The following TEX264 variants were observed in gnomAD, a reference collection of about 807,000 sequenced individuals.
TEX264 encodes testis-expressed protein 264.
A neutral mutation model predicts 23.4 loss-of-function variants in TEX264; 13 were observed. The observed-to-expected ratio is 0.56, with a 90% CI of 0.36 to 0.88. The LOEUF (loss-of-function observed/expected upper bound fraction) is 0.88, where lower values mean the gene tolerates loss of function less well. Ranked by LOEUF, TEX264 falls within the 40% of genes least tolerant of loss-of-function variation. TEX264 has a pLI of 0.01. For synonymous variants in TEX264, 159 were observed against 170.0 expected, an observed-to-expected ratio of 0.94 and a Z score of 0.50; for missense variants, 340 against 406.8, an observed-to-expected ratio of 0.84 and a Z score of 1.41.
At chr3:51,698,100 GC>G (rs1703139315) in intron 3 of TEX264, among the ~76,000 whole-genome samples, 1 of 152,128 alleles carries the variant, frequency 6.6e-6, no homozygotes, top group African/African-American at 2.4e-5. Flanking sequence ...CCTCCTAGAT[GC>G]ACCCTCCCTT....
chr3:51,703,646 T>C lies in TEX264; in HGVS notation c.650-78T>C. 6.9e-7 allele frequency: 1 copy of C among 1,458,010 alleles called. No homozygotes were observed. Among genetic ancestry groups the C allele is most frequent in the Non-Finnish European group, 9.3e-7 (1 of 1,076,532 alleles). The allele number at this position is 1,458,010 out of a possible 1,614,324, so 90.3% of individuals were successfully genotyped here. A position where few individuals can be genotyped will look rare whatever the true frequency, so the allele number is the denominator to read the frequency against. On this transcript the variant is annotated intron_variant, in intron 4 of 4. Transcript: ENST00000341333. This position sits in a 1 kb window ranked among gnomAD's most constrained non-coding sequence, Gnocchi z 4.8. ...GAGGCTGCATTATTCATGAGTGCAC[T>C]GCGTGCTGAGTTGCCTCTCCCTGGA...
intron 2 of TEX264, among the ~76,000 whole-genome samples, chr3:51,675,599 A>G (rs915840093): frequency 1.3e-5 from 2 of 152,208 alleles, no homozygotes; most frequent in Non-Finnish European, 2.9e-5. Context: ...TCAGCCCCAC[A>G]TAAGTGATTC....
At chr3:51,685,603 T>A (rs1381864797) in intron 3 of TEX264, among the ~76,000 whole-genome samples, 1 of 152,246 alleles carries the variant, frequency 6.6e-6, no homozygotes, top group Non-Finnish European at 1.5e-5. Flanking sequence ...TAAGAACTTC[T>A]AGTCAGAGCT....
chr3:51,694,215 C>T (rs572626429), intron 3 of TEX264, among the ~76,000 whole-genome samples: 1 of 151,908 alleles, frequency 6.6e-6, no homozygotes, highest in South Asian at 2.1e-4. Flanking sequence ...CACTGCACCT[C>T]CATCTCCCGC....
At chr3:51,675,788 G>A (rs1308082840) in intron 2 of TEX264, among the ~76,000 whole-genome samples, 1 of 152,200 alleles carries the variant, frequency 6.6e-6, no homozygotes, top group African/African-American at 2.4e-5. Flanking sequence ...GACAGCAAGA[G>A]CCTGAAGACA....
At position 51,700,000 on chromosome 3, in the gene TEX264, T is replaced by C. The variant is rs545124326; in HGVS notation, c.649+426T>C. On this transcript the variant is annotated intron_variant, in intron 4 of 4. Transcript: ENST00000341333. ...TAAGGAGGGGAGCAAAGTGTTCTCT[T>C]GTCCCTCAGTACGGGCCCCACCCAG... Among the ~76,000 whole-genome samples, 436 of 152,162 alleles carry C rather than the reference T, an allele frequency of 2.9e-3. 3 individuals are homozygous for C. The highest frequency in any genetic ancestry group is 1.0e-2 in the African/African-American group (414 of 41,512).
Position 51,699,431 on chromosome 3 carries a change from G to T in TEX264, c.506G>T (p.Arg169Leu), listed in dbSNP as rs762481142. ...GAGCGGAAGCTGTGTGCCTATCCTC[G>T]GCTGGAGATCTACCAGGAAGACCAG... ...IKERKLCAYP[R>L]LEIYQEDQIH... Residue 169 changes from arginine (R) to leucine (L), a missense_variant, in exon 4 of 5, where the codon CGG becomes CTG. Arg to Leu is a moderately radical substitution (Grantham distance 102, BLOSUM62 -2). Coordinates refer to ENST00000341333, the MANE Select transcript of TEX264 (RefSeq NM_015926.6). 3 of 1,613,888 alleles carry T rather than the reference G, an allele frequency of 1.9e-6. No individual in the cohort carries two copies. The South Asian group carries it at 3.3e-5, about 18-fold the overall frequency.
At chr3:51,678,251 G>C (rs1013404942) in intron 2 of TEX264, among the ~76,000 whole-genome samples, 3 of 152,184 alleles carry the variant, frequency 2.0e-5, no homozygotes, top group African/African-American at 7.2e-5. Context: ...TTCAGTGTTG[G>C]AGGGGAAGGA....
In TEX264 at chr3:51,703,830, G is replaced by C. The variant is rs200027537; in HGVS notation, c.756G>C (p.Trp252Cys). 1 of 1,613,000 alleles carries C rather than the reference G, an allele frequency of 6.2e-7. No homozygotes were observed. The highest frequency in any genetic ancestry group is 8.5e-7 in the Non-Finnish European group (1 of 1,179,286). ...TLSPGASSRG[W>C]DDGDTRSEHS... is the part of the protein sequence containing the mutation. ...CACCTGGGGCGAGCAGCCGTGGCTGGGATGACGGTGACACCCGCAGCGAGC... is the reference window on the plus strand; with the variant it reads ...CACCTGGGGCGAGCAGCCGTGGCTGCGATGACGGTGACACCCGCAGCGAGC... Residue 252 changes from tryptophan to cysteine, a missense_variant, in exon 5 of 5, where the codon TGG becomes TGC. By Grantham distance (215) the Trp-to-Cys change is radical. Transcript: ENST00000341333. This position sits in a 1 kb window ranked among gnomAD's most constrained non-coding sequence, Gnocchi z 4.8.
At chr3:51,674,986 C>T (rs975664745) in intron 2 of TEX264, among the ~76,000 whole-genome samples, 2 of 152,212 alleles carry the variant, frequency 1.3e-5, no homozygotes, top group African/African-American at 4.8e-5. Context: ...CTTTCCATCC[C>T]TCAGCTCTTC....
Position 51,674,370 on chromosome 3 carries a change from G to A in TEX264, c.66G>A (p.Leu22=), listed in dbSNP as rs758213989. 3.8e-5 allele frequency: 62 copies of A among 1,614,106 alleles called. No individual in the cohort carries two copies. The highest frequency in any genetic ancestry group is 4.7e-5 in the Non-Finnish European group (55 of 1,180,048). Residue 22 remains leucine, a synonymous_variant, in exon 2 of 5, where the codon CTG becomes CTA. Coordinates refer to ENST00000341333, the MANE Select transcript of TEX264 (RefSeq NM_015926.6). ...GLTLLLLLTL[L]AFAGYSGLLA... is the part of the protein sequence containing the mutation. The stretch of plus-strand genomic sequence containing the variant: ...CTCTCTTACTGCTGCTGACGCTGCT[G>A]GCCTTTGCCGGGTACTCAGGGCTAC...
intron 3 of TEX264, among the ~76,000 whole-genome samples, chr3:51,696,435 T>C (rs1703060320): frequency 6.6e-6 from 1 of 152,210 alleles, no homozygotes; most frequent in Non-Finnish European, 1.5e-5. Context: ...TACTGGCTCA[T>C]TGACATATTG....
chr3:51,692,569 C>T (rs1702868060), intron 3 of TEX264, among the ~76,000 whole-genome samples: 1 of 152,206 alleles, frequency 6.6e-6, no homozygotes, highest in African/African-American at 2.4e-5. Flanking sequence ...ATTCCTGACT[C>T]CTCTGGCTCT....
chr3:51,671,915 C>T (rs1044093749), intron 1 of TEX264: 7 of 152,246 alleles, frequency 4.6e-5, no homozygotes, highest in African/African-American at 1.7e-4. Flanking sequence ...CGGCCGCACG[C>T]GTCCATCCCG....
Position 51,691,273 on chromosome 3 carries a change from G to A in TEX264, c.480+6639G>A, listed in dbSNP as rs1280818586. 2.0e-5 allele frequency among the ~76,000 whole-genome samples: 3 copies of A among 152,210 alleles called. No individual in the cohort carries two copies. The highest frequency in any genetic ancestry group is 2.0e-4 in the Admixed American group (3 of 15,286). The stretch of plus-strand genomic sequence containing the variant: ...CCACACCCTCAGTGAGGCAGAGGCG[G>A]TTCTATTCCCAGGCTTCCCTCCCTG... On this transcript the variant is annotated intron_variant, in intron 3 of 4. Transcript: ENST00000341333. This position sits in a 1 kb window ranked among gnomAD's most constrained non-coding sequence, Gnocchi z 4.4.
At chr3:51,677,216 A>G (rs1249637262) in intron 2 of TEX264, among the ~76,000 whole-genome samples, 1 of 152,202 alleles carries the variant, frequency 6.6e-6, no homozygotes, top group African/African-American at 2.4e-5. Context: ...CATTTAACAA[A>G]TATCTGAGCA....
At chr3:51,692,797 T>C (rs969289726) in intron 3 of TEX264, among the ~76,000 whole-genome samples, 2 of 152,216 alleles carry the variant, frequency 1.3e-5, no homozygotes, top group Non-Finnish European at 2.9e-5. Context: ...CTCCCAGATT[T>C]GCAAGGGAGA....
At chr3:51,684,733 G>A (rs978364020) in intron 3 of TEX264, 99 bp downstream of exon 3, 5 of 1,228,118 alleles carry the variant, frequency 4.1e-6, no homozygotes, top group Non-Finnish European at 5.8e-6. Context: ...GTGGTTTTGG[G>A]AGAGCAGCAC....
Position 51,684,578 on chromosome 3 carries a change from C to G in TEX264, c.424C>G (p.Leu142Val). ...AGCCACCTTCCCCTACACCACCATT[C>G]TGTCCATCTGGCTGGCTACCCGCCG... ...VTATFPYTTILSIWLATRRVH... is the reference protein window; with the variant it reads ...VTATFPYTTIVSIWLATRRVH... Residue 142 changes from leucine to valine, a missense_variant, in exon 3 of 5, where the codon CTG (leucine) becomes GTG (valine). Coordinates refer to ENST00000341333, the MANE Select transcript of TEX264 (RefSeq NM_015926.6). The G allele has an allele frequency of 6.2e-7, 1 of 1,614,244 alleles. No individual in the cohort carries two copies. The highest frequency in any genetic ancestry group is 8.5e-7 in the Non-Finnish European group (1 of 1,180,046).
Sources: allele counts gnomAD v4.1 joint callset (sites outside exome capture counted in the v4.1 genomes callset), GRCh38; gene constraint gnomAD v4.1.1; non-coding constraint Gnocchi (gnomAD v3.1); transcripts MANE v1.5; gene names NCBI Gene and HGNC (gene_info 2026-07-23, HGNC 2026-07-21).